TACC1: variants seen among roughly 807,000 people sequenced by gnomAD.
TACC1 encodes transforming acidic coiled-coil containing protein 1.
Under a neutral mutation model 84.4 loss-of-function variants are expected in TACC1, and 48 were observed. The observed-to-expected ratio is 0.57, with a 90% CI of 0.45 to 0.72. The LOEUF (loss-of-function observed/expected upper bound fraction) is 0.72. Among genes scored for constraint, TACC1 ranks in the 30% least tolerant of loss-of-function variants. The pLI is 0.00. For synonymous variants in TACC1, 372 were observed against 376.3 expected (o/e 0.99, Z 0.13); for missense variants, 920 against 973.0 (o/e 0.95, Z 0.72).
chr8:38,772,911 C>T (rs1283548622), intron 3 of TACC1, among the ~76,000 whole-genome samples: 1 of 151,850 alleles, frequency 6.6e-6, no homozygotes, highest in Non-Finnish European at 1.5e-5. Context: ...AAAGTACTCA[C>T]CTCTATTGAT....
chr8:38,812,470 G>A (rs1179448414), intron 2 of TACC1, among the ~76,000 whole-genome samples: 1 of 152,108 alleles, frequency 6.6e-6, no homozygotes, highest in Non-Finnish European at 1.5e-5. Flanking sequence ...AGGAAAAATA[G>A]AAAGAACCTA....
chr8:38,825,505 A>G, intron 4 of TACC1, 137 bp downstream of exon 4: 1 of 800,654 alleles, frequency 1.2e-6, no homozygotes, highest in Non-Finnish European at 2.1e-6. Context: ...CAATTTCCAG[A>G]TCCTTACTGT....
chr8:38,750,785 G>T (rs1239147455), intron 3 of TACC1, among the ~76,000 whole-genome samples: 1 of 152,186 alleles, frequency 6.6e-6, no homozygotes, highest in African/African-American at 2.4e-5. Flanking sequence ...AACATGACAG[G>T]AAGATCTGCA....
intron 3 of TACC1, among the ~76,000 whole-genome samples, chr8:38,761,466 T>C (rs1811194058): frequency 6.6e-6 from 1 of 152,204 alleles, no homozygotes; most frequent in African/African-American, 2.4e-5. Context: ...GAATTTCTGA[T>C]CAATTAGGTG....
upstream of TACC1, among the ~76,000 whole-genome samples, chr8:38,784,567 CAA>C (rs545249667): frequency 7.0e-5 from 9 of 128,424 alleles, no homozygotes; most frequent in Non-Finnish European, 5.1e-5. Flanking sequence ...GACTCCATCT[CAA>C]AAAAAAAAAA....
chr8:38,833,974 A>G (rs937072273), intron 6 of TACC1, among the ~76,000 whole-genome samples: 2 of 152,238 alleles, frequency 1.3e-5, no homozygotes, highest in African/African-American at 4.8e-5. Flanking sequence ...AAGTTTCTTG[A>G]TAAGAAACAA....
In TACC1 at chr8:38,827,321, T is replaced by A; in HGVS notation, c.1606T>A (p.Cys536Ser). The A allele has an allele frequency of 1.2e-6, 2 of 1,614,232 alleles. No individual in the cohort carries two copies. The highest frequency in any genetic ancestry group is 2.2e-5 in the South Asian group (2 of 91,086). The stretch of plus-strand genomic sequence containing the variant: ...AGAGGAAGACCTGGAGTACTTTGAA[T>A]GTTCCAATGTTCCTGTGTCTACCAT... ...EPEEDLEYFE[C>S]SNVPVSTINH... Residue 536 changes from cysteine (C) to serine (S), a missense_variant, in exon 5 of 13, where the codon TGT becomes AGT. Cys to Ser is a moderately radical substitution (Grantham distance 112, BLOSUM62 -1). Around this residue, in one of 2 missense-constraint regions of TACC1, gnomAD observed 762 missense variants for 747.3 expected, o/e 1.02. Coordinates refer to ENST00000317827, the MANE Select transcript of TACC1 (RefSeq NM_006283.3).
rs768942066 is a variant in TACC1 at position 38,820,143 on chromosome 8, G to A, written c.899G>A (p.Ser300Asn). 8.7e-6 allele frequency: 14 copies of A among 1,614,058 alleles called. No individual in the cohort carries two copies. The African/African-American group carries it at 1.5e-4, about 17-fold the overall frequency. ...AAAGAAACTCCCGGCACTCTCAGTA[G>A]TGACACCAACGACTCAGGGGTTGAG... ...DLKETPGTLS[S>N]DTNDSGVELG... The change falls in exon 3 of 13, where the codon AGT becomes AAT. Residue 300 changes from serine (S) to asparagine (N), a missense_variant. By Grantham distance (46) the Ser-to-Asn change is conservative. Around this residue, in one of 2 missense-constraint regions of TACC1, gnomAD observed 762 missense variants for 747.3 expected, o/e 1.02. Transcript: ENST00000317827.
At chr8:38,787,153 C>T (rs1266782805), upstream of TACC1, 2 of 984,146 alleles carry the variant, frequency 2.0e-6, no homozygotes, top group Non-Finnish European at 2.4e-6. Flanking sequence ...CGCGCGCGCG[C>T]GCGAGTAGTA....
At chr8:38,773,577 G>T (rs543598008) in intron 3 of TACC1, among the ~76,000 whole-genome samples, 44 of 147,392 alleles carry the variant, frequency 3.0e-4, no homozygotes, top group African/African-American at 9.1e-4. Flanking sequence ...TATCTAGCTA[G>T]CTATCTATCT....
At chr8:38,790,403 G>T (rs115969000) in intron 2 of TACC1, among the ~76,000 whole-genome samples, 4,513 of 152,262 alleles carry the variant, frequency 0.03, 214 homozygotes, top group African/African-American at 0.1. Context: ...ACATAATTCA[G>T]CCCACAACAG....
intron 11 of TACC1, chr8:38,846,440 A>G (rs1404340476): frequency 1.1e-5 from 1 of 90,812 alleles, no homozygotes; most frequent in African/African-American, 3.8e-5. Flanking sequence ...GTACTGGTCT[A>G]AAAAAAAAAA....
At chr8:38,775,668 A>G (rs968517266) in intron 3 of TACC1, among the ~76,000 whole-genome samples, 1 of 152,174 alleles carries the variant, frequency 6.6e-6, no homozygotes, top group African/African-American at 2.4e-5. Flanking sequence ...ATATTCTCAC[A>G]TTGGAGTTTA....
At chr8:38,774,167 T>C (rs62505809) in intron 3 of TACC1, among the ~76,000 whole-genome samples, 30,710 of 152,238 alleles carry the variant, frequency 0.2, 3,637 homozygotes, top group Non-Finnish European at 0.27. Flanking sequence ...TGCCTATCCC[T>C]GAGGCTTCAG....
intron 3 of TACC1, among the ~76,000 whole-genome samples, chr8:38,775,127 G>A (rs1264213113): frequency 6.6e-6 from 1 of 152,102 alleles, no homozygotes; most frequent in Non-Finnish European, 1.5e-5. Flanking sequence ...GTGAATTTTG[G>A]GGAGAAGTCA....
At chr8:38,756,083 G>A (rs1809985068) in intron 3 of TACC1, among the ~76,000 whole-genome samples, 1 of 151,890 alleles carries the variant, frequency 6.6e-6, no homozygotes, top group South Asian at 2.1e-4. Flanking sequence ...CAAAGTGCTG[G>A]GATTACAGGT....
In TACC1 at chr8:38,819,903, C is replaced by G; in HGVS notation, c.659C>G (p.Pro220Arg). The part of the protein sequence containing the change: ...EADLKAGNSC[P>R]ELVPSRRSKL... ...GATCTAAAAGCTGGCAACTCCTGTC[C>G]AGAGCTTGTGCCCAGCAGAAGAAGC... The change falls in exon 3 of 13, where the codon CCA (proline) becomes CGA (arginine). Residue 220 changes from proline to arginine, a missense_variant. Pro to Arg is a moderately radical substitution (Grantham distance 103). This residue lies in a region of TACC1 where 762 missense variants were observed against 747.3 expected (regional missense o/e 1.02). Transcript: ENST00000317827. 1.9e-6 allele frequency: 3 copies of G among 1,614,082 alleles called. No individual in the cohort carries two copies. Among genetic ancestry groups the G allele is most frequent in the Non-Finnish European group, 2.5e-6 (3 of 1,180,028 alleles).
intron 1 of TACC1, among the ~76,000 whole-genome samples, chr8:38,740,909 C>T (rs1406802056): frequency 1.3e-5 from 2 of 152,160 alleles, no homozygotes; most frequent in African/African-American, 4.8e-5. Flanking sequence ...ATTTAACTTG[C>T]TTAAGGTTAA....
At chr8:38,813,095 C>A (rs1030794047) in intron 2 of TACC1, among the ~76,000 whole-genome samples, 1 of 152,174 alleles carries the variant, frequency 6.6e-6, no homozygotes, top group Non-Finnish European at 1.5e-5. Flanking sequence ...TTACCTCAAA[C>A]GCCCTTAAAA....
Sources: allele counts gnomAD v4.1 joint callset (sites outside exome capture counted in the v4.1 genomes callset), GRCh38; gene constraint gnomAD v4.1.1; regional missense constraint gnomAD v4.1.1; transcripts MANE v1.5; gene names NCBI Gene and HGNC (gene_info 2026-07-23, HGNC 2026-07-21).